Variants in ERICH1 observed in about 807,000 individuals in gnomAD.
ERICH1 encodes glutamate rich 1.
In ERICH1, 56 loss-of-function variants were observed where a neutral mutation model predicts 39.6. The observed-to-expected ratio is 1.41, with a 90% CI of 1.14 to 1.77. The LOEUF is 1.77. Ranked by LOEUF, ERICH1 falls within the 40% of genes most tolerant of loss-of-function variation. The pLI is 0.00. For missense variants in ERICH1, 826 were observed against 575.4 expected (o/e 1.44, Z -4.45); for synonymous variants, 313 against 223.6 (o/e 1.40, Z -3.57).
chr8:706,697 G>T (rs1415935424), intron 2 of ERICH1, among the ~76,000 whole-genome samples: 1 of 152,168 alleles, frequency 6.6e-6, no homozygotes, highest in Admixed American at 6.5e-5. Flanking sequence ...TTAAACCCAG[G>T]AGGCGGAGGT....
intron 3 of ERICH1, among the ~76,000 whole-genome samples, chr8:640,134 G>C (rs999356297): frequency 3.9e-5 from 6 of 152,224 alleles, no homozygotes; most frequent in African/African-American, 1.4e-4. Context: ...CATGGAAGCA[G>C]TCAGTGGCAG....
At chr8:641,363 G>A (rs1392874167) in intron 3 of ERICH1, among the ~76,000 whole-genome samples, 1 of 152,176 alleles carries the variant, frequency 6.6e-6, no homozygotes, top group Non-Finnish European at 1.5e-5. Context: ...TATAAGCAGT[G>A]TTTACAGGGC....
At chr8:708,688 T>TTTTGTTTTTTG (rs530570155) in intron 2 of ERICH1, among the ~76,000 whole-genome samples, 28 of 31,798 alleles carry the variant, frequency 8.8e-4, no homozygotes, top group Non-Finnish European at 1.6e-3. Flanking sequence ...TGAGTTTTTT[T>TTTTGTTTTTTG]TTTTTTTTTT....
Position 669,568 on chromosome 8 carries a change from C to T in ERICH1, c.1064-776G>A, listed in dbSNP as rs911552277. ...GTCTGGTGGGACGCCTCCCCTGGCC[C>T]GTCTACACGTCTGTCTGGTGGGACG... On this transcript the variant is annotated intron_variant, in intron 4 of 5. Coordinates refer to ENST00000262109, the MANE Select transcript of ERICH1 (RefSeq NM_207332.3). Among the ~76,000 whole-genome samples, 456 of 146,310 alleles carry T rather than the reference C, an allele frequency of 3.1e-3. 1 individual carries two copies. The highest frequency in any genetic ancestry group is 0.011 in the African/African-American group (426 of 38,842).
At chr8:711,142 T>C (rs1037343447) in intron 2 of ERICH1, among the ~76,000 whole-genome samples, 4 of 152,272 alleles carry the variant, frequency 2.6e-5, no homozygotes, top group African/African-American at 7.2e-5. Context: ...TTATTTGCCA[T>C]CTACATATTT....
intron 3 of ERICH1, among the ~76,000 whole-genome samples, chr8:644,228 A>G (rs962784934): frequency 3.9e-5 from 6 of 152,234 alleles, no homozygotes; most frequent in Admixed American, 3.9e-4. Context: ...GCCCCGTCCT[A>G]AGGCGAGTGC....
intron 2 of ERICH1, among the ~76,000 whole-genome samples, chr8:708,083 G>A (rs12674749): frequency 0.12 from 18,020 of 151,674 alleles, 1,562 homozygotes; most frequent in East Asian, 0.45. Flanking sequence ...ACCACAATGA[G>A]ATACCACTTC....
At chr8:713,827 G>A (rs114873898) in intron 2 of ERICH1, among the ~76,000 whole-genome samples, 320 of 152,262 alleles carry the variant, frequency 2.1e-3, no homozygotes, top group African/African-American at 7.3e-3. Flanking sequence ...AATGCCCAGT[G>A]AGAGACCACC....
chr8:626,077 T>C (rs894055130), intron 3 of ERICH1: 1 of 152,246 alleles, frequency 6.6e-6, no homozygotes, highest in African/African-American at 2.4e-5. Flanking sequence ...AACATGTGAA[T>C]CGTTTCCACA....
At position 651,587 on chromosome 8, in the gene ERICH1, G is replaced by A. The variant is rs190508754; in HGVS notation, c.976+17011C>T. On this transcript the variant is annotated intron_variant, in intron 3 of 3. Coordinates refer to the ERICH1 transcript ENST00000522706. ...GGGAAGGGGGATTAGGGAGAGAGACGGAGAGCTGGGGGCAGGGGAAACAGG... is the reference window on the plus strand; with the variant it reads ...GGGAAGGGGGATTAGGGAGAGAGACAGAGAGCTGGGGGCAGGGGAAACAGG... Among the ~76,000 whole-genome samples the A allele has an allele frequency of 9.3e-4, 141 of 152,226 alleles. 1 individual carries two copies. Among genetic ancestry groups the A allele is most frequent in the African/African-American group, 3.3e-3 (135 of 41,536 alleles).
At chr8:655,660 ATTCCTTCCTTCCTTCC>A (rs57152332) in intron 3 of ERICH1, among the ~76,000 whole-genome samples, 3,442 of 143,074 alleles carry the variant, frequency 0.024, 60 homozygotes, top group Admixed American at 0.027. Context: ...TGTCCTCTGC[ATTCCTTCCTTCCTTCC>A]TTCCTTCCTT....
chr8:697,256 G>T (rs1462099859), intron 2 of ERICH1, among the ~76,000 whole-genome samples: 1 of 152,162 alleles, frequency 6.6e-6, no homozygotes, highest in African/African-American at 2.4e-5. Flanking sequence ...GGCCCCAGGG[G>T]ACAAGGCGGA....
intron 1 of ERICH1, among the ~76,000 whole-genome samples, chr8:730,616 T>C (rs1397716581): frequency 6.6e-6 from 1 of 152,242 alleles, no homozygotes; most frequent in African/African-American, 2.4e-5. Context: ...TTGGTACTAA[T>C]GCTATCACAG....
chr8:722,290 A>G (rs1817512377), intron 1 of ERICH1, among the ~76,000 whole-genome samples: 1 of 152,110 alleles, frequency 6.6e-6, no homozygotes, highest in African/African-American at 2.4e-5. Flanking sequence ...CAGCACCGAG[A>G]AAAAGAGAGA....
chr8:628,041 C>T (rs1355483886), intron 3 of ERICH1, among the ~76,000 whole-genome samples: 1 of 152,146 alleles, frequency 6.6e-6, no homozygotes, highest in African/African-American at 2.4e-5. Flanking sequence ...GCCAGCGGCC[C>T]CTCCCTTCCA....
intron 3 of ERICH1, chr8:691,113 C>G (rs1490215212): frequency 6.6e-6 from 1 of 152,146 alleles, no homozygotes; most frequent in Non-Finnish European, 1.5e-5. Context: ...TTTTGAAGAA[C>G]AAAGGTAGGA....
chr8:651,206 A>C (rs1433024836), intron 3 of ERICH1, among the ~76,000 whole-genome samples: 1 of 152,216 alleles, frequency 6.6e-6, no homozygotes, highest in Non-Finnish European at 1.5e-5. Flanking sequence ...CATCTGGTTC[A>C]GCTCAAGTTG....
intron 3 of ERICH1, among the ~76,000 whole-genome samples, chr8:628,731 C>G (rs1015821879): frequency 1.3e-5 from 2 of 152,210 alleles, no homozygotes; most frequent in African/African-American, 4.8e-5. Flanking sequence ...TCATCCCCAC[C>G]CATACCCTCA....
chr8:674,581 G>A (rs1804236721), intron 3 of ERICH1, among the ~76,000 whole-genome samples: 1 of 152,168 alleles, frequency 6.6e-6, no homozygotes, highest in African/African-American at 2.4e-5. Flanking sequence ...TGGGATTTCA[G>A]GAATGAGCCA....
Sources: gnomAD v4.1 joint callset for allele counts (sites outside exome capture counted in the v4.1 genomes callset) on GRCh38, gnomAD v4.1.1 for gene constraint, MANE v1.5 for transcripts, NCBI Gene and HGNC (gene_info 2026-07-23, HGNC 2026-07-21) for gene names.